PCDHA2: variants seen among roughly 807,000 people sequenced by gnomAD.
PCDHA2 encodes the protein protocadherin alpha-2.
Under a neutral mutation model 66.0 loss-of-function variants are expected in PCDHA2, and 58 were observed. The ratio of observed to expected loss-of-function variants is 0.88; its 90% CI spans 0.71 to 1.09. The LOEUF (loss-of-function observed/expected upper bound fraction) is 1.09. Ranked by LOEUF, PCDHA2 falls within the 50% of genes least tolerant of loss-of-function variation. The pLI, the probability that PCDHA2 is intolerant of heterozygous loss-of-function variation, is 0.00. For missense variants in PCDHA2, 1,267 were observed against 1,242.3 expected, an observed-to-expected ratio of 1.02 and a Z score of -0.30; for synonymous variants, 634 against 554.0, an observed-to-expected ratio of 1.14 and a Z score of -2.03.
Position 140,796,596 on chromosome 5 carries a change from T to C in PCDHA2, c.1632T>C (p.Pro544=). 1 of 1,611,696 alleles carries C rather than the reference T, an allele frequency of 6.2e-7. No homozygotes were observed. Among genetic ancestry groups the C allele is most frequent in the Non-Finnish European group, 8.5e-7 (1 of 1,179,404 alleles). The change falls in exon 1 of 4, where the codon CCT becomes CCC. Residue 544 remains proline, a synonymous_variant. Coordinates refer to ENST00000526136, the MANE Select transcript of PCDHA2 (RefSeq NM_018905.3). ...QVSARDAGVP[P]LGSNVTLQVF... ...GCGCGCGGGATGCGGGCGTGCCGCC[T>C]CTGGGCAGCAACGTGACGCTGCAGG...
At chr5:140,829,177 C>T in intron 1 of PCDHA2, 2 of 1,614,106 alleles carry the variant, frequency 1.2e-6, no homozygotes, top group South Asian at 1.1e-5. Flanking sequence ...TACGTGAAGA[C>T]GCTCAATTTG....
rs572911058 is a variant in PCDHA2, at chr5:140,794,867, A to G, written c.-98A>G. On this transcript the variant is annotated 5_prime_UTR_variant, in exon 1 of 4. Coordinates refer to ENST00000526136, the MANE Select transcript of PCDHA2 (RefSeq NM_018905.3). ...CCCCTTTGTTACTTCAGAGAAGCGG[A>G]GGAATAAGAGAAGCAGCAGGACTTT... is the stretch of plus-strand genomic sequence containing the variant. The G allele has an allele frequency of 5.4e-5, 70 of 1,307,314 alleles. No individual in the cohort carries two copies. In the African/African-American group the frequency reaches 7.8e-4, roughly 15 times the overall value. 81.0% of individuals were successfully genotyped at this position (1,307,314 alleles called of 1,614,324 possible).
At chr5:140,897,258 G>A (rs1008292814) in intron 1 of PCDHA2, among the ~76,000 whole-genome samples, 1 of 151,682 alleles carries the variant, frequency 6.6e-6, no homozygotes, top group African/African-American at 2.4e-5. Flanking sequence ...ATGTATACAT[G>A]TGCCATGCTG....
chr5:140,803,914 G>T (rs1280757638), intron 1 of PCDHA2: 4 of 500,200 alleles, frequency 8.0e-6, no homozygotes, highest in Admixed American at 3.8e-5. Flanking sequence ...ATCTGACTTC[G>T]ACTTGTTTTA....
intron 1 of PCDHA2, chr5:140,836,034 C>T (rs2150251193): frequency 1.2e-6 from 2 of 1,613,480 alleles, no homozygotes; most frequent in Non-Finnish European, 1.7e-6. Context: ...CAACGTGACG[C>T]TGCAGGTGTT....
rs1205531440 is a variant in PCDHA2, at chr5:140,868,945, T to C, written c.2388+71593T>C. On this transcript the variant is annotated intron_variant, in intron 1 of 3. Transcript: ENST00000526136. ...TTCATTTAAAGGTTGGTCTGAACAG[T>C]GAGGCACTCCCATACAAAGGAACTC... 5 of 1,284,792 alleles carry C rather than the reference T, an allele frequency of 3.9e-6. No individual in the cohort carries two copies. The Admixed American group carries it at 1.1e-4, about 28-fold the overall frequency. The allele number at this position is 1,284,792 out of a possible 1,614,324, so 79.6% of individuals were successfully genotyped here. A position where few individuals can be genotyped will look rare whatever the true frequency, so the allele number is the denominator to read the frequency against.
Position 140,982,486 on chromosome 5 carries a change from T to C in PCDHA2, c.2459T>C (p.Leu820Pro). ...LRAGMHSSVH[L>P]EEAGILRAGP... Reference sequence around the variant, plus strand: ...GTGTGTTTATTCAGCTCTGTGCACCTAGAGGAGGCTGGCATTCTACGGGCT... The same window carrying C: ...GTGTGTTTATTCAGCTCTGTGCACCCAGAGGAGGCTGGCATTCTACGGGCT... Residue 820 changes from leucine to proline, a missense_variant, in exon 3 of 4, where the codon CTA (leucine) becomes CCA (proline). Physicochemically the swap from Leu to Pro is moderately conservative, Grantham distance 98. Coordinates refer to ENST00000526136, the MANE Select transcript of PCDHA2 (RefSeq NM_018905.3). The C allele has an allele frequency of 6.2e-7, 1 of 1,614,180 alleles. No individual in the cohort carries two copies. Among genetic ancestry groups the C allele is most frequent in the South Asian group, 1.1e-5 (1 of 91,086 alleles).
intron 1 of PCDHA2, among the ~76,000 whole-genome samples, chr5:140,945,724 A>G (rs569323682): frequency 4.6e-5 from 7 of 152,272 alleles, no homozygotes; most frequent in South Asian, 2.1e-4. Flanking sequence ...AAGAATATAC[A>G]ATGGAAAAAG....
At chr5:140,836,035 T>A in intron 1 of PCDHA2, 1 of 1,613,556 alleles carries the variant, frequency 6.2e-7, no homozygotes, top group East Asian at 2.2e-5. Context: ...AACGTGACGC[T>A]GCAGGTGTTC....
chr5:140,988,299 G>A (rs2097291981), intron 3 of PCDHA2, among the ~76,000 whole-genome samples: 2 of 152,218 alleles, frequency 1.3e-5, no homozygotes, highest in Non-Finnish European at 2.9e-5. Context: ...GCCCAGGAGT[G>A]CCAGCTTGGC....
rs1478776734 is a variant in PCDHA2 at position 141,010,917 on chromosome 5, A to G, written c.*980A>G. ...TACAATTCCCCTAAACTCTCCTCAA[A>G]AGAGAATTCAGTCTACAGCCATTTA... On this transcript the variant is annotated 3_prime_UTR_variant, in exon 4 of 4. Coordinates refer to ENST00000526136, the MANE Select transcript of PCDHA2 (RefSeq NM_018905.3). The G allele has an allele frequency of 6.5e-6, 1 of 153,776 alleles. No homozygotes were observed. The highest frequency in any genetic ancestry group is 1.5e-5 in the Non-Finnish European group (1 of 68,048). The allele number at this position is 153,776 out of a possible 1,614,324, so 9.5% of individuals were successfully genotyped here.
In PCDHA2 at chr5:140,944,191, G is replaced by T. The variant is rs181232402; in HGVS notation, c.2389-34758G>T. The stretch of plus-strand genomic sequence containing the variant: ...GGCTGGTTTTTTGTTGGTTTGTTTT[G>T]TTTTGTTTTGTTTTTAAAGAGGGTT... On this transcript the variant is annotated intron_variant, in intron 1 of 3. Coordinates refer to ENST00000526136, the MANE Select transcript of PCDHA2 (RefSeq NM_018905.3). 9.2e-5 allele frequency among the ~76,000 whole-genome samples: 14 copies of T among 152,098 alleles called. No individual in the cohort carries two copies. The East Asian group carries it at 2.5e-3, about 27-fold the overall frequency.
intron 1 of PCDHA2, chr5:140,805,700 A>G (rs1420988180): frequency 1.5e-5 from 10 of 648,162 alleles, no homozygotes; most frequent in Non-Finnish European, 1.9e-5. Flanking sequence ...ATTACCAAGA[A>G]TTAGAATAAA....
Position 140,797,202 on chromosome 5 carries a change from G to A in PCDHA2, c.2238G>A (p.Gly746=), listed in dbSNP as rs1554120338. The part of the protein sequence containing the change: ...KPTLVCSSAV[G]SWSYSQQRRQ... Reference sequence around the variant, plus strand: ...CGCTGGTGTGCTCCAGCGCCGTGGGGAGCTGGTCTTACTCGCAGCAGAGGC... The same window carrying A: ...CGCTGGTGTGCTCCAGCGCCGTGGGAAGCTGGTCTTACTCGCAGCAGAGGC... Residue 746 remains glycine (G), a synonymous_variant, in exon 1 of 4, where the codon GGG becomes GGA. Transcript: ENST00000526136. 1.2e-6 allele frequency: 2 copies of A among 1,614,190 alleles called. No individual in the cohort carries two copies. Among genetic ancestry groups the A allele is most frequent in the South Asian group, 2.2e-5 (2 of 91,090 alleles).
intron 1 of PCDHA2, chr5:140,928,467 A>G (rs782319281): frequency 6.2e-7 from 1 of 1,614,142 alleles, no homozygotes; most frequent in South Asian, 1.1e-5. Flanking sequence ...ATTTCCAAGT[A>G]GAAGGCCGGG....
At chr5:140,805,847 A>G (rs1763638742) in intron 1 of PCDHA2, among the ~76,000 whole-genome samples, 1 of 152,186 alleles carries the variant, frequency 6.6e-6, no homozygotes, top group African/African-American at 2.4e-5. Context: ...TAGATATGCG[A>G]TCACCTTAAA....
chr5:140,832,090 C>T (rs1233831526), intron 1 of PCDHA2, among the ~76,000 whole-genome samples: 2 of 152,154 alleles, frequency 1.3e-5, no homozygotes, highest in Admixed American at 1.3e-4. Flanking sequence ...ATTTTAAATG[C>T]CATGTTCTAC....
chr5:140,831,227 C>T (rs1037770738), intron 1 of PCDHA2: 2 of 152,168 alleles, frequency 1.3e-5, no homozygotes, highest in Admixed American at 1.3e-4. Context: ...AAACTGCATT[C>T]CTCTGGCATT....
intron 1 of PCDHA2, among the ~76,000 whole-genome samples, chr5:140,953,351 C>G (rs1007094673): frequency 3.3e-5 from 5 of 152,122 alleles, no homozygotes; most frequent in Non-Finnish European, 5.9e-5. Context: ...TTCTTTTGTT[C>G]TGTGCACTCA....
Sources: gnomAD v4.1 joint callset for allele counts (sites outside exome capture counted in the v4.1 genomes callset) on GRCh38, gnomAD v4.1.1 for gene constraint, MANE v1.5 for transcripts, NCBI Gene and HGNC (gene_info 2026-07-23, HGNC 2026-07-21) for gene names.